Variants in USP6NL observed in about 807,000 individuals in gnomAD.
USP6NL encodes USP6 N-terminal-like protein.
Under a neutral mutation model 61.9 loss-of-function variants are expected in USP6NL, and 26 were observed. That is an observed-to-expected ratio of 0.42 (90% CI 0.31 to 0.58). The LOEUF is 0.58. Among genes scored for constraint, USP6NL ranks in the 20% least tolerant of loss-of-function variants. The pLI, the probability that USP6NL is intolerant of heterozygous loss-of-function variation, is 0.16. For synonymous variants in USP6NL, 432 were observed against 390.1 expected (o/e 1.11, Z -1.27); for missense variants, 1,114 against 1,034.3 (o/e 1.08, Z -1.06).
At position 11,543,615 on chromosome 10, in the gene USP6NL, T is replaced by A. The variant is rs1836154565; in HGVS notation, c.5-16048A>T. ...TACCATATATATATTATCTTCCTAA[T>A]AGGGAATATATTCGAGAAAAATAAC... On this transcript the variant is annotated intron_variant, in intron 2 of 14. Transcript: ENST00000609104. 2.0e-5 allele frequency among the ~76,000 whole-genome samples: 3 copies of A among 151,890 alleles called. No homozygotes were observed. The East Asian group carries it at 5.8e-4, about 29-fold the overall frequency.
intron 10 of USP6NL, among the ~76,000 whole-genome samples, chr10:11,486,477 A>G (rs1346520184): frequency 1.3e-5 from 2 of 152,204 alleles, no homozygotes; most frequent in Non-Finnish European, 2.9e-5. Flanking sequence ...CCAAGTGACT[A>G]TACAATATAA....
chr10:11,599,141 T>C (rs1163286586), intron 1 of USP6NL, among the ~76,000 whole-genome samples: 2 of 152,250 alleles, frequency 1.3e-5, no homozygotes, highest in African/African-American at 2.4e-5. Context: ...TATTTAGATT[T>C]GTTTTCCTGC....
intron 2 of USP6NL, among the ~76,000 whole-genome samples, chr10:11,578,319 C>T (rs1050576539): frequency 6.6e-6 from 1 of 152,182 alleles, no homozygotes; most frequent in Non-Finnish European, 1.5e-5. Context: ...CCTTATACTT[C>T]TAATCCATTT....
rs1396871729 is a variant in USP6NL, at chr10:11,528,990, T to C, written c.5-1423A>G. 1.4e-4 allele frequency among the ~76,000 whole-genome samples: 21 copies of C among 152,288 alleles called. No homozygotes were observed. Among genetic ancestry groups the C allele is most frequent in the Non-Finnish European group, 8.8e-5 (6 of 68,022 alleles). The stretch of plus-strand genomic sequence containing the variant: ...GCATGAAGCAGCAATACTGGCATGT[T>C]ACCTAGCGCAATGGAGGCACACAGG... On this transcript the variant is annotated intron_variant, in intron 2 of 14. Transcript: ENST00000609104. The surrounding 1 kb of genome is among the most constrained non-coding windows in gnomAD (Gnocchi z 4.6).
At chr10:11,604,185 T>C (rs944316882) in intron 1 of USP6NL, among the ~76,000 whole-genome samples, 16 of 152,210 alleles carry the variant, frequency 1.1e-4, no homozygotes, top group Non-Finnish European at 1.0e-4. Flanking sequence ...GTTCACACGT[T>C]AGTACTGATC....
At chr10:11,471,106 A>G (rs11257109) in intron 14 of USP6NL, among the ~76,000 whole-genome samples, 12,061 of 152,216 alleles carry the variant, frequency 0.079, 688 homozygotes, top group East Asian at 0.16. Context: ...AATGGCGTGA[A>G]CCCAGGAGGC....
chr10:11,469,463 G>C (rs1040700297), intron 14 of USP6NL, among the ~76,000 whole-genome samples: 1 of 152,210 alleles, frequency 6.6e-6, no homozygotes, highest in Admixed American at 6.5e-5. Context: ...AAGAAATCCA[G>C]TACAGACAAA....
At chr10:11,477,987 G>T (rs749379014) in intron 14 of USP6NL, among the ~76,000 whole-genome samples, 8 of 152,156 alleles carry the variant, frequency 5.3e-5, no homozygotes, top group Admixed American at 1.3e-4. Context: ...GGAAGAGGAA[G>T]AACTATTATT....
At chr10:11,493,745 T>C (rs956432730) in intron 7 of USP6NL, among the ~76,000 whole-genome samples, 1 of 152,216 alleles carries the variant, frequency 6.6e-6, no homozygotes, top group Non-Finnish European at 1.5e-5. Context: ...TCTTGCTGTC[T>C]GCTGCTCCTG....
intron 2 of USP6NL, among the ~76,000 whole-genome samples, chr10:11,533,290 C>G (rs896389575): frequency 7.9e-5 from 12 of 152,314 alleles, no homozygotes; most frequent in African/African-American, 2.9e-4. Flanking sequence ...ACTTGGAATT[C>G]TATACCAACC....
At chr10:11,526,969 T>A (rs566240194) in intron 3 of USP6NL, among the ~76,000 whole-genome samples, 4 of 152,324 alleles carry the variant, frequency 2.6e-5, no homozygotes, top group African/African-American at 9.6e-5. Flanking sequence ...AACGGATATG[T>A]AATTCCATAT....
At position 11,592,634 on chromosome 10, in the gene USP6NL, C is replaced by T. The variant is rs1418742750; in HGVS notation, c.4+4997G>A. 6.6e-6 allele frequency among the ~76,000 whole-genome samples: 1 copy of T among 152,146 alleles called. No homozygotes were observed. The highest frequency in any genetic ancestry group is 1.5e-5 in the Non-Finnish European group (1 of 68,024). ...ACATGCTGGCATTTCAAAGACAATT[C>T]AACTTAAATTTTCTTTTAACTTCTA... On this transcript the variant is annotated intron_variant, in intron 2 of 14. Transcript: ENST00000609104. This position sits in a 1 kb window ranked among gnomAD's most constrained non-coding sequence, Gnocchi z 4.7.
In USP6NL at chr10:11,490,994, T is replaced by C. The variant is rs571854006; in HGVS notation, c.495-114A>G. The C allele has an allele frequency of 1.1e-5, 10 of 888,690 alleles. No individual in the cohort carries two copies. The highest frequency in any genetic ancestry group is 1.6e-5 in the Non-Finnish European group (10 of 607,296). The allele number at this position is 888,690 out of a possible 1,614,324, so 55.1% of individuals were successfully genotyped here. On this transcript the variant is annotated intron_variant, in intron 8 of 14. Transcript: ENST00000609104. The surrounding 1 kb of genome is among the most constrained non-coding windows in gnomAD (Gnocchi z 4.5). ...TGAAAACAGATAATCCAGATAAAATTACTAATGTAATAAATTATCCCAAGT... is the reference window on the plus strand; with the variant it reads ...TGAAAACAGATAATCCAGATAAAATCACTAATGTAATAAATTATCCCAAGT...
At chr10:11,492,620 A>G (rs571968877) in intron 8 of USP6NL, among the ~76,000 whole-genome samples, 5 of 152,308 alleles carry the variant, frequency 3.3e-5, no homozygotes, top group African/African-American at 9.6e-5. Context: ...GTCCTAACAT[A>G]TATCTCCTAT....
At chr10:11,494,480 G>A (rs1367320232) in intron 7 of USP6NL, among the ~76,000 whole-genome samples, 4 of 152,142 alleles carry the variant, frequency 2.6e-5, no homozygotes, top group Non-Finnish European at 1.5e-5. Flanking sequence ...CGTGTGTGGC[G>A]ACGAGAGAGT....
At position 11,532,310 on chromosome 10, in the gene USP6NL, C is replaced by T; in HGVS notation, c.5-4743G>A. On this transcript the variant is annotated intron_variant, in intron 2 of 14. Coordinates refer to ENST00000609104, the MANE Select transcript of USP6NL (RefSeq NM_014688.5). The surrounding 1 kb of genome is among the most constrained non-coding windows in gnomAD (Gnocchi z 4.1). The stretch of plus-strand genomic sequence containing the variant: ...CACCAAGAGTGCTGCCCGGCGGTAC[C>T]TCACACATTCTGCAACTAACTAAAA... 2 of 1,223,050 alleles carry T rather than the reference C, an allele frequency of 1.6e-6. No homozygotes were observed. Among genetic ancestry groups the T allele is most frequent in the Admixed American group, 2.8e-5 (1 of 36,078 alleles). 75.8% of individuals were successfully genotyped at this position (1,223,050 alleles called of 1,614,324 possible).
Position 11,575,950 on chromosome 10 carries a change from T to C in USP6NL, c.4+21681A>G, listed in dbSNP as rs1354529754. ...TTTGGGAGAAGAGGTGAAATTTGAA[T>C]ATAGTCTATAGATTCATCAGTTAAT... On this transcript the variant is annotated intron_variant, in intron 2 of 14. Transcript: ENST00000609104. This position sits in a 1 kb window ranked among gnomAD's most constrained non-coding sequence, Gnocchi z 4.2. 3.3e-5 allele frequency among the ~76,000 whole-genome samples: 5 copies of C among 152,154 alleles called. No individual in the cohort carries two copies. The highest frequency in any genetic ancestry group is 6.5e-5 in the Admixed American group (1 of 15,280).
In USP6NL at chr10:11,485,512, A is replaced by T. The variant is rs1833425618; in HGVS notation, c.760-278T>A. On this transcript the variant is annotated intron_variant, in intron 11 of 14. Transcript: ENST00000609104. The surrounding 1 kb of genome is among the most constrained non-coding windows in gnomAD (Gnocchi z 4.8). ...CAACGAGTTTCTGTGACCCTGAAAAAATATTTTTTGTACAATGAAAAAACC... is the reference window on the plus strand; with the variant it reads ...CAACGAGTTTCTGTGACCCTGAAAATATATTTTTTGTACAATGAAAAAACC... Among the ~76,000 whole-genome samples, 1 of 152,168 alleles carries T rather than the reference A, an allele frequency of 6.6e-6. No individual in the cohort carries two copies. The highest frequency in any genetic ancestry group is 6.5e-5 in the Admixed American group (1 of 15,274).
rs79427479 is a variant in USP6NL at position 11,594,068 on chromosome 10, T to C, written c.4+3563A>G. Among the ~76,000 whole-genome samples the C allele has an allele frequency of 5.0e-3, 760 of 152,346 alleles. 20 individuals carry two copies. The highest frequency in any genetic ancestry group is 0.041 in the East Asian group (215 of 5,188). ...TCTATCTAAACTTCAGTGACATATA[T>C]TGCTATTTTTTAGCCTGTACCACAT... On this transcript the variant is annotated intron_variant, in intron 2 of 14. Coordinates refer to ENST00000609104, the MANE Select transcript of USP6NL (RefSeq NM_014688.5).
Sources: allele counts gnomAD v4.1 joint callset (sites outside exome capture counted in the v4.1 genomes callset), GRCh38; gene constraint gnomAD v4.1.1; non-coding constraint Gnocchi (gnomAD v3.1); transcripts MANE v1.5; gene names NCBI Gene and HGNC (gene_info 2026-07-23, HGNC 2026-07-21).